The following UNC5D variants were observed in gnomAD, a reference collection of about 807,000 sequenced individuals.
UNC5D encodes unc-5 netrin receptor D.
A neutral mutation model predicts 105.4 loss-of-function variants in UNC5D; 39 were observed. The observed-to-expected ratio is 0.37, with a 90% confidence interval of 0.29 to 0.48. UNC5D has a LOEUF of 0.48. Among genes scored for constraint, UNC5D ranks in the 20% least tolerant of loss-of-function variants. The probability of loss-of-function intolerance (pLI) is 0.98; values close to 1 mark genes in which losing one functional copy is unlikely to be tolerated. For synonymous variants in UNC5D, 452 were observed against 450.4 expected (o/e 1.00, Z -0.04); for missense variants, 991 against 1,202.4 (o/e 0.82, Z 2.60).
At chr8:35,420,671 T>C (rs553185892) in intron 1 of UNC5D, among the ~76,000 whole-genome samples, 1 of 152,146 alleles carries the variant, frequency 6.6e-6, no homozygotes, top group Admixed American at 6.5e-5. Context: ...TAATAACCTA[T>C]AGTTTAAGAT....
chr8:35,534,074 C>T (rs944438549), intron 1 of UNC5D, among the ~76,000 whole-genome samples: 2 of 152,172 alleles, frequency 1.3e-5, no homozygotes, highest in Non-Finnish European at 2.9e-5. Context: ...CTCCTCCCGC[C>T]ACAACTGGTT....
At chr8:35,618,162 G>C (rs1821146543) in intron 4 of UNC5D, among the ~76,000 whole-genome samples, 1 of 152,150 alleles carries the variant, frequency 6.6e-6, no homozygotes, top group African/African-American at 2.4e-5. Context: ...AATACCACCA[G>C]AACTTGACAA....
At chr8:35,423,228 G>A (rs2128967892) in intron 1 of UNC5D, among the ~76,000 whole-genome samples, 1 of 152,290 alleles carries the variant, frequency 6.6e-6, no homozygotes, top group African/African-American at 2.4e-5. Context: ...CTCCTTGTGA[G>A]TGAGACTTAC....
At chr8:35,693,452 A>G (rs1462366062) in intron 7 of UNC5D, among the ~76,000 whole-genome samples, 1 of 152,080 alleles carries the variant, frequency 6.6e-6, no homozygotes, top group Non-Finnish European at 1.5e-5. Context: ...GCCTTCATCC[A>G]TTGGTTTATG....
At chr8:35,343,299 G>A (rs961048101) in intron 1 of UNC5D, among the ~76,000 whole-genome samples, 4 of 151,946 alleles carry the variant, frequency 2.6e-5, no homozygotes, top group African/African-American at 9.7e-5. Flanking sequence ...TACCACCTGT[G>A]TATTTTTAGG....
At chr8:35,545,579 T>A (rs895423126) in intron 1 of UNC5D, among the ~76,000 whole-genome samples, 1 of 152,076 alleles carries the variant, frequency 6.6e-6, no homozygotes, top group South Asian at 2.1e-4. Context: ...AGTGTGGAAC[T>A]TGGAGTGTGG....
intron 4 of UNC5D, among the ~76,000 whole-genome samples, chr8:35,666,056 T>C (rs964860005): frequency 6.6e-6 from 1 of 152,202 alleles, no homozygotes; most frequent in South Asian, 2.1e-4. Flanking sequence ...TATTTCCTTC[T>C]TGAATGGATT....
chr8:35,502,155 A>T (rs140881997), intron 1 of UNC5D, among the ~76,000 whole-genome samples: 157 of 152,260 alleles, frequency 1.0e-3, no homozygotes, highest in African/African-American at 3.7e-3. Context: ...GTTTTATGGG[A>T]AGTTATCCCT....
At chr8:35,724,669 AGAT>A (rs1828764383) in intron 9 of UNC5D, among the ~76,000 whole-genome samples, 1 of 152,244 alleles carries the variant, frequency 6.6e-6, no homozygotes, top group South Asian at 2.1e-4. Context: ...TAGACTAGGC[AGAT>A]CTTCTAAGCG....
intron 3 of UNC5D, among the ~76,000 whole-genome samples, chr8:35,583,173 G>A (rs984224761): frequency 6.6e-6 from 1 of 152,162 alleles, no homozygotes; most frequent in Non-Finnish European, 1.5e-5. Context: ...GCAACATAGT[G>A]AGACCCCATC....
intron 1 of UNC5D, among the ~76,000 whole-genome samples, chr8:35,368,416 C>A (rs1802254394): frequency 6.6e-6 from 1 of 152,090 alleles, no homozygotes; most frequent in East Asian, 1.9e-4. Context: ...TTTCAGATAT[C>A]TTTACAGTTC....
intron 1 of UNC5D, among the ~76,000 whole-genome samples, chr8:35,323,353 T>G (rs1038237239): frequency 6.6e-6 from 1 of 152,002 alleles, no homozygotes; most frequent in Admixed American, 6.6e-5. Flanking sequence ...TTTTAGATGT[T>G]TTTGTGGAGT....
intron 3 of UNC5D, among the ~76,000 whole-genome samples, chr8:35,591,622 T>C (rs1463132308): frequency 6.6e-6 from 1 of 152,158 alleles, no homozygotes; most frequent in Non-Finnish European, 1.5e-5. Flanking sequence ...CTTTCTCCAC[T>C]TTGTCATTCA....
intron 3 of UNC5D, among the ~76,000 whole-genome samples, chr8:35,581,372 C>G (rs1249944580): frequency 6.6e-6 from 1 of 152,138 alleles, no homozygotes; most frequent in Non-Finnish European, 1.5e-5. Flanking sequence ...TACTGCCTAC[C>G]TGACACATCC....
intron 2 of UNC5D, among the ~76,000 whole-genome samples, chr8:35,552,466 T>C (rs1362752457): frequency 6.6e-6 from 1 of 152,250 alleles, no homozygotes; most frequent in Non-Finnish European, 1.5e-5. Context: ...TGAATCTATT[T>C]AGGGTTTCAG....
chr8:35,574,737 G>T (rs1817976391), intron 3 of UNC5D, among the ~76,000 whole-genome samples: 1 of 152,116 alleles, frequency 6.6e-6, no homozygotes, highest in South Asian at 2.1e-4. Flanking sequence ...GCTTACAGAT[G>T]CAGCCTTCCT....
chr8:35,353,556 G>A (rs1280458970), intron 1 of UNC5D, among the ~76,000 whole-genome samples: 2 of 152,078 alleles, frequency 1.3e-5, no homozygotes, highest in Admixed American at 6.6e-5. Context: ...TAGATATATT[G>A]CATACTAGCA....
Position 35,502,698 on chromosome 8 carries a change from A to G in UNC5D, c.104-46594A>G, listed in dbSNP as rs540606984. Reference sequence around the variant, plus strand: ...CTCCGCCTCCTGAGTAGCTGGGACTACAGGTGCACACCACCATGCCCGGCT... The same window carrying G: ...CTCCGCCTCCTGAGTAGCTGGGACTGCAGGTGCACACCACCATGCCCGGCT... On this transcript the variant is annotated intron_variant, in intron 1 of 16. Coordinates refer to ENST00000404895, the MANE Select transcript of UNC5D (RefSeq NM_080872.4). 3.3e-5 allele frequency among the ~76,000 whole-genome samples: 5 copies of G among 150,996 alleles called. No individual in the cohort carries two copies. The East Asian group carries it at 9.8e-4, about 29-fold the overall frequency.
At chr8:35,569,709 A>G (rs1285400844) in intron 3 of UNC5D, among the ~76,000 whole-genome samples, 1 of 152,084 alleles carries the variant, frequency 6.6e-6, no homozygotes, top group Non-Finnish European at 1.5e-5. Flanking sequence ...GAGAGAGAAT[A>G]TGTTTGCATT....
Sources: allele counts gnomAD v4.1 joint callset (sites outside exome capture counted in the v4.1 genomes callset), GRCh38; gene constraint gnomAD v4.1.1; transcripts MANE v1.5; gene names NCBI Gene and HGNC (gene_info 2026-07-23, HGNC 2026-07-21).